Variants in CCP110 observed in about 807,000 individuals in gnomAD.
CCP110 encodes centriolar coiled-coil protein 110.
CCP110 carries 43 observed loss-of-function variants against 105.5 expected under a neutral mutation model. The ratio of observed to expected loss-of-function variants is 0.41; its 90% confidence interval spans 0.32 to 0.53. The LOEUF (loss-of-function observed/expected upper bound fraction) is 0.53. Among genes scored for constraint, CCP110 ranks in the 20% least tolerant of loss-of-function variants. The pLI is 0.32. For synonymous variants in CCP110, 353 were observed against 392.1 expected (o/e 0.90, Z 1.18); for missense variants, 1,016 against 1,189.1 (o/e 0.85, Z 2.14).
In CCP110 at chr16:19,527,457, T is replaced by A. The variant is rs55977917; in HGVS notation, c.-15-410T>A. On this transcript the variant is annotated intron_variant, in intron 1 of 14. Transcript: ENST00000381396. ...ATTCTTTGATTTAAGTAGGCTTTTT[T>A]ACTACAGTGTTTGTACCTTTGTATG... Among the ~76,000 whole-genome samples the A allele has an allele frequency of 5.4e-3, 820 of 152,328 alleles. 8 individuals are homozygous for A. Among genetic ancestry groups the A allele is most frequent in the African/African-American group, 0.018 (756 of 41,568 alleles).
chr16:19,548,165 T>A lies in CCP110; in HGVS notation c.2900+151T>A. ...GCATTGGGAAAGATATTTTAAAGTT[T>A]TGTCTTCAAATGTAACCCTCTTGGT... On this transcript the variant is annotated intron_variant, in intron 13 of 14. Transcript: ENST00000381396. The surrounding 1 kb of genome is among the most constrained non-coding windows in gnomAD (Gnocchi z 4.1). 1 of 695,224 alleles carries A rather than the reference T, an allele frequency of 1.4e-6. No individual in the cohort carries two copies. The highest frequency in any genetic ancestry group is 1.8e-5 in the South Asian group (1 of 56,318). 43.1% of individuals were successfully genotyped at this position (695,224 alleles called of 1,614,324 possible).
chr16:19,547,131 G>A (rs568153017), intron 12 of CCP110: 1 of 152,380 alleles, frequency 6.6e-6, no homozygotes, highest in East Asian at 1.9e-4. Context: ...GCTGGGCTGG[G>A]AGCAGTGGCT....
At chr16:19,545,098 G>C in exon 10 of CCP110, 2 of 1,592,660 alleles carry the variant, frequency 1.3e-6, no homozygotes, top group Non-Finnish European at 1.7e-6. Context: ...GCCTAGTTGC[G>C]AGCTGCCTTG....
intron 4 of CCP110, among the ~76,000 whole-genome samples, chr16:19,538,759 C>T (rs564323230): frequency 6.6e-6 from 1 of 152,246 alleles, no homozygotes; most frequent in African/African-American, 2.4e-5. Context: ...TCAGTAAACA[C>T]TTTAACATCA....
At chr16:19,533,461 A>C (rs1246267772) in intron 3 of CCP110, among the ~76,000 whole-genome samples, 1 of 152,066 alleles carries the variant, frequency 6.6e-6, no homozygotes, top group Non-Finnish European at 1.5e-5. Flanking sequence ...GCAGGAGGGG[A>C]AAGAGGAAAG....
intron 12 of CCP110, 115 bp downstream of exon 12, chr16:19,546,589 G>T: frequency 1.7e-6 from 1 of 604,238 alleles, no homozygotes; most frequent in Non-Finnish European, 2.9e-6. Flanking sequence ...GGCCAAGACG[G>T]ATGGATCACC....
chr16:19,551,278 G>A, exon 15 of CCP110: 5 of 1,574,172 alleles, frequency 3.2e-6, no homozygotes, highest in East Asian at 4.5e-5. Flanking sequence ...ATAAAATGGG[G>A]GGAAGGATTA....
chr16:19,531,703 C>T (rs1348801255), intron 2 of CCP110, among the ~76,000 whole-genome samples: 2 of 152,126 alleles, frequency 1.3e-5, no homozygotes. Flanking sequence ...CGCGGTGGCT[C>T]GCGCCTGTAA....
chr16:19,551,504 TAA>T (rs2151487768), exon 15 of CCP110: 1 of 463,424 alleles, frequency 2.2e-6, no homozygotes, highest in East Asian at 3.7e-5. Context: ...TATACAAACA[TAA>T]GTTTATTTTA....
chr16:19,536,650 A>G, exon 4 of CCP110: 1 of 1,614,152 alleles, frequency 6.2e-7, no homozygotes, highest in Non-Finnish European at 8.5e-7. Context: ...ACATACCTAT[A>G]CGAACTGGCC....
chr16:19,547,612 C>T (rs895913702), intron 12 of CCP110: 4 of 179,874 alleles, frequency 2.2e-5, no homozygotes, highest in Non-Finnish European at 4.6e-5. Context: ...TTTTTTACTC[C>T]TGTAAAATGA....
chr16:19,549,145 G>A (rs1272723628), intron 14 of CCP110, among the ~76,000 whole-genome samples: 4 of 152,262 alleles, frequency 2.6e-5, no homozygotes, highest in African/African-American at 9.6e-5. Flanking sequence ...TCTGTTTATG[G>A]TGGCAAGAAG....
At chr16:19,540,845 G>A (rs1364423342) in intron 5 of CCP110, 58 bp downstream of exon 5, 13 of 1,557,428 alleles carry the variant, frequency 8.3e-6, no homozygotes, top group Non-Finnish European at 1.1e-5. Flanking sequence ...GGATACCTAT[G>A]AATTTTGGTC....
exon 15 of CCP110, chr16:19,551,334 C>A: frequency 9.2e-7 from 1 of 1,085,386 alleles, no homozygotes. Context: ...TAACCCTGGA[C>A]TCCGTTTACA....
At chr16:19,544,928 G>T in intron 9 of CCP110, 30 bp downstream of exon 9, 1 of 1,164,018 alleles carries the variant, frequency 8.6e-7, no homozygotes, top group South Asian at 1.3e-5. Context: ...AGGCTTTTAA[G>T]ACATGGACAT....
chr16:19,553,373 G>A (rs1970700126), exon 15 of CCP110: 1 of 151,960 alleles, frequency 6.6e-6, no homozygotes. Flanking sequence ...TTGCTTCTAG[G>A]CAAAAAGCAA....
chr16:19,545,985 T>G (rs541415362), intron 11 of CCP110, 95 bp downstream of exon 11: 1 of 727,572 alleles, frequency 1.4e-6, no homozygotes, highest in South Asian at 1.8e-5. Context: ...AAATAAAGAG[T>G]TAATTTTTCT....
chr16:19,540,604 T>C lies in CCP110; in HGVS notation c.1919-53T>C. 3 of 1,448,996 alleles carry C rather than the reference T, an allele frequency of 2.1e-6. No individual in the cohort carries two copies. In the South Asian group the frequency reaches 3.6e-5, roughly 17 times the overall value. The allele number at this position is 1,448,996 out of a possible 1,614,324, so 89.8% of individuals were successfully genotyped here. On this transcript the variant is annotated intron_variant, in intron 4 of 14. Coordinates refer to ENST00000381396, the Ensembl canonical transcript of CCP110. ...TAATTTAAATTGATGGTATAAAATATCAGACATTAGACTTGTGAATTTTCT... is the reference window on the plus strand; with the variant it reads ...TAATTTAAATTGATGGTATAAAATACCAGACATTAGACTTGTGAATTTTCT...
chr16:19,547,014 G>C (rs1363250819), intron 12 of CCP110: 3 of 152,546 alleles, frequency 2.0e-5, no homozygotes, highest in Non-Finnish European at 4.4e-5. Flanking sequence ...CCTTTTGTAG[G>C]ACATGCTATC....
Sources: allele counts gnomAD v4.1 joint callset (sites outside exome capture counted in the v4.1 genomes callset), GRCh38; gene constraint gnomAD v4.1.1; non-coding constraint Gnocchi (gnomAD v3.1); transcripts MANE v1.5; gene names NCBI Gene and HGNC (gene_info 2026-07-23, HGNC 2026-07-21).